The following TPRG1 variants were observed in gnomAD, a reference collection of about 807,000 sequenced individuals.
TPRG1 encodes the protein tumor protein p63 regulated 1.
TPRG1 carries 29 observed loss-of-function variants against 29.3 expected under a neutral mutation model. The observed-to-expected ratio is 0.99, with a 90% CI of 0.74 to 1.35. The LOEUF is 1.35. TPRG1 is among the 40% of genes most tolerant of loss of function. The pLI is 0.00. For missense variants in TPRG1, 327 were observed against 335.0 expected (o/e 0.98, Z 0.19); for synonymous variants, 130 against 116.8 (o/e 1.11, Z -0.73).
chr3:189,229,257 T>C (rs1191042263), intron 3 of TPRG1, among the ~76,000 whole-genome samples: 1 of 152,068 alleles, frequency 6.6e-6, no homozygotes, highest in Admixed American at 6.5e-5. Flanking sequence ...TTTTTGTAGG[T>C]ATAGACACAT....
At chr3:189,169,811 G>T (rs1172718135), upstream of TPRG1, among the ~76,000 whole-genome samples, 5 of 152,210 alleles carry the variant, frequency 3.3e-5, no homozygotes, top group African/African-American at 1.2e-4. Context: ...AGGCAATCAA[G>T]GCTTGGGGAA....
chr3:189,028,342 A>T (rs901828011), intron 4 of TPRG1, among the ~76,000 whole-genome samples: 1 of 152,314 alleles, frequency 6.6e-6, no homozygotes, highest in Admixed American at 6.5e-5. Flanking sequence ...AGGTGGAGAG[A>T]ACGAATGAAA....
chr3:189,078,257 C>T (rs900165578), intron 4 of TPRG1, among the ~76,000 whole-genome samples: 1 of 151,656 alleles, frequency 6.6e-6, no homozygotes. Flanking sequence ...CCTGCCTCAC[C>T]CTCCCGAGTA....
At chr3:189,000,241 A>T (rs927853859) in intron 1 of TPRG1, among the ~76,000 whole-genome samples, 1 of 151,964 alleles carries the variant, frequency 6.6e-6, no homozygotes, top group Non-Finnish European at 1.5e-5. Context: ...AGTTTAGTTT[A>T]TCATTTGGTG....
rs138352955 is a variant in TPRG1 at position 189,271,177 on chromosome 3, G to A, written c.479+32268G>A. Among the ~76,000 whole-genome samples the A allele has an allele frequency of 3.3e-3, 507 of 152,296 alleles. 2 individuals carry two copies. Among genetic ancestry groups the A allele is most frequent in the African/African-American group, 0.012 (485 of 41,554 alleles). ...GGTTTCTTTATTCCTAGGTGAGGTA[G>A]GGCGTTTTCTACTGTAACACAGTGC... On this transcript the variant is annotated intron_variant, in intron 4 of 5. Coordinates refer to ENST00000345063, the MANE Select transcript of TPRG1 (RefSeq NM_198485.4).
intron 4 of TPRG1, among the ~76,000 whole-genome samples, chr3:189,071,245 C>G (rs1481505489): frequency 6.6e-6 from 1 of 152,102 alleles, no homozygotes; most frequent in Admixed American, 6.6e-5. Flanking sequence ...TTTTCCTTTT[C>G]CATGTGGGAA....
At chr3:189,204,318 A>T (rs1212176854) in intron 1 of TPRG1, among the ~76,000 whole-genome samples, 3 of 150,786 alleles carry the variant, frequency 2.0e-5, no homozygotes, top group African/African-American at 7.5e-5. Flanking sequence ...CTATGCAGGG[A>T]TAGAAGAGCA....
chr3:189,122,252 C>A (rs1415858663), intron 1 of TPRG1, among the ~76,000 whole-genome samples: 4 of 152,116 alleles, frequency 2.6e-5, no homozygotes, highest in Non-Finnish European at 5.9e-5. Flanking sequence ...TAAAAGCCAA[C>A]ACCAAATGTT....
chr3:189,083,317 G>A (rs536924997), intron 4 of TPRG1, among the ~76,000 whole-genome samples: 1 of 152,264 alleles, frequency 6.6e-6, no homozygotes, highest in African/African-American at 2.4e-5. Context: ...AGCAGCTGTG[G>A]TGAGGCTTCT....
At chr3:189,198,491 A>G (rs12108121) in intron 1 of TPRG1, among the ~76,000 whole-genome samples, 17,869 of 152,236 alleles carry the variant, frequency 0.12, 1,285 homozygotes, top group African/African-American at 0.19. Flanking sequence ...TTCATGCTTT[A>G]GCACAGAACT....
intron 4 of TPRG1, among the ~76,000 whole-genome samples, chr3:189,032,475 C>T (rs1713981858): frequency 6.6e-6 from 1 of 152,124 alleles, no homozygotes; most frequent in Non-Finnish European, 1.5e-5. Context: ...AAATAGAATA[C>T]ACTAGATAAA....
intron 1 of TPRG1, among the ~76,000 whole-genome samples, chr3:189,175,315 G>A (rs1371254691): frequency 3.9e-5 from 6 of 152,178 alleles, no homozygotes; most frequent in Non-Finnish European, 8.8e-5. Flanking sequence ...CAAGAGAAGA[G>A]TTTAAGTAAA....
intron 4 of TPRG1, among the ~76,000 whole-genome samples, chr3:189,064,672 A>T (rs1037807245): frequency 6.6e-6 from 1 of 152,144 alleles, no homozygotes; most frequent in Admixed American, 6.5e-5. Context: ...CATCCCTAAT[A>T]TCAGGAATGA....
At chr3:189,283,536 G>C (rs1261492586) in intron 4 of TPRG1, among the ~76,000 whole-genome samples, 1 of 152,180 alleles carries the variant, frequency 6.6e-6, no homozygotes, top group African/African-American at 2.4e-5. Flanking sequence ...GAGAGTAACT[G>C]AATACATTTA....
chr3:189,141,044 T>C (rs1724483030), intron 3 of TPRG1, among the ~76,000 whole-genome samples: 1 of 152,210 alleles, frequency 6.6e-6, no homozygotes, highest in Non-Finnish European at 1.5e-5. Flanking sequence ...CTTTATAAAA[T>C]AGACTCTCCT....
At chr3:189,297,128 G>A (rs986503751) in intron 4 of TPRG1, among the ~76,000 whole-genome samples, 3 of 152,022 alleles carry the variant, frequency 2.0e-5, no homozygotes, top group Non-Finnish European at 4.4e-5. Flanking sequence ...CTACAGGCAC[G>A]CGCCACCAAG....
chr3:189,191,129 C>A, intron 1 of TPRG1: 1 of 216,492 alleles, frequency 4.6e-6, no homozygotes, highest in Non-Finnish European at 7.9e-6. Context: ...CACATATGGT[C>A]ATATATAATT....
chr3:189,006,766 G>A (rs1712309642), intron 3 of TPRG1, among the ~76,000 whole-genome samples: 1 of 152,082 alleles, frequency 6.6e-6, no homozygotes, highest in Non-Finnish European at 1.5e-5. Flanking sequence ...AGTCAGGGGT[G>A]AGCAAACTTT....
chr3:189,259,611 G>T (rs1218654518), intron 4 of TPRG1, among the ~76,000 whole-genome samples: 1 of 151,730 alleles, frequency 6.6e-6, no homozygotes, highest in Non-Finnish European at 1.5e-5. Flanking sequence ...TGGGATTACA[G>T]GTGTCTGCCA....
Sources: allele counts gnomAD v4.1 joint callset (sites outside exome capture counted in the v4.1 genomes callset), GRCh38; gene constraint gnomAD v4.1.1; transcripts MANE v1.5; gene names NCBI Gene and HGNC (gene_info 2026-07-23, HGNC 2026-07-21).